UQCRC2: variants seen among roughly 807,000 people sequenced by gnomAD.
The protein encoded by UQCRC2 is ubiquinol-cytochrome c reductase core protein 2.
A neutral mutation model predicts 55.6 loss-of-function variants in UQCRC2; 49 were observed. The ratio of observed to expected loss-of-function variants is 0.88; its 90% CI spans 0.70 to 1.12. The LOEUF (loss-of-function observed/expected upper bound fraction) is 1.12, where lower values mean the gene tolerates loss of function less well. Among genes scored for constraint, UQCRC2 ranks in the 50% most tolerant of loss-of-function variants. The pLI, the probability that UQCRC2 is intolerant of heterozygous loss-of-function variation, is 0.00. For missense variants in UQCRC2, 506 were observed against 547.8 expected, an observed-to-expected ratio of 0.92 and a Z score of 0.76; for synonymous variants, 193 against 192.0, an observed-to-expected ratio of 1.01 and a Z score of -0.04.
intron 4 of UQCRC2, chr16:21,959,677 C>T (rs1195340056): frequency 2.0e-5 from 3 of 152,244 alleles, no homozygotes; most frequent in Admixed American, 1.3e-4. Flanking sequence ...TTTTAATTTA[C>T]TTTGCCCAGA....
intron 9 of UQCRC2, 101 bp from the exon 10 acceptor site, chr16:21,971,822 A>G: frequency 6.5e-7 from 1 of 1,537,752 alleles, no homozygotes; most frequent in Admixed American, 1.7e-5. Flanking sequence ...AGCTGCAGAA[A>G]AGACTCGTGG....
intron 12 of UQCRC2, among the ~76,000 whole-genome samples, chr16:21,979,179 G>A (rs1402905232): frequency 1.3e-5 from 2 of 152,188 alleles, no homozygotes. Context: ...GTGACACCAA[G>A]TACAGGCCTG....
chr16:21,981,544 A>G (rs1173333082), intron 13 of UQCRC2, among the ~76,000 whole-genome samples: 1 of 152,044 alleles, frequency 6.6e-6, no homozygotes, highest in African/African-American at 2.4e-5. Flanking sequence ...GCTTGAGCCC[A>G]GGAGTTCAAT....
In UQCRC2 at chr16:21,967,437, GT is replaced by G. The variant is rs141508381; in HGVS notation, c.613-1179del. Among the ~76,000 whole-genome samples the G allele has an allele frequency of 8.9e-4, 131 of 146,916 alleles. 2 individuals are homozygous for G. The highest frequency in any genetic ancestry group is 2.7e-3 in the African/African-American group (108 of 40,338). On this transcript the variant is annotated intron_variant, in intron 7 of 13. Coordinates refer to ENST00000268379, the MANE Select transcript of UQCRC2 (RefSeq NM_003366.4). ...TGTACTTTTTACATAGAAGTCGTAA[GT>G]TTTTTTTTTTTCTTAGTTACCCCAA...
At chr16:21,970,578 A>G (rs1159721211) in intron 8 of UQCRC2, among the ~76,000 whole-genome samples, 1 of 152,014 alleles carries the variant, frequency 6.6e-6, no homozygotes, top group Non-Finnish European at 1.5e-5. Context: ...CCATTTGTAT[A>G]ACTTTTTTTG....
At chr16:21,961,471 T>G (rs572057239) in intron 4 of UQCRC2, 1 of 238,808 alleles carries the variant, frequency 4.2e-6, no homozygotes, top group East Asian at 1.2e-4. Context: ...TTAAGGTATT[T>G]TAATTTTTTA....
Position 21,962,767 on chromosome 16 carries a change from T to C in UQCRC2, c.396T>C (p.Ile132=). The C allele has an allele frequency of 6.2e-7, 1 of 1,614,132 alleles. No individual in the cohort carries two copies. Among genetic ancestry groups the C allele is most frequent in the East Asian group, 2.2e-5 (1 of 44,886 alleles). ...ATCTCGATGTCTTCTGTAGTGATAT[T>C]CTAATGGAGTTCCTGCTCAATGTCA... is the stretch of plus-strand genomic sequence containing the variant. ...TVECLRGDVD[I]LMEFLLNVTT... Residue 132 remains isoleucine (I), a synonymous_variant, in exon 6 of 14, where the codon ATT becomes ATC. Coordinates refer to ENST00000268379, the MANE Select transcript of UQCRC2 (RefSeq NM_003366.4).
In UQCRC2 at chr16:21,962,879, C is replaced by T; in HGVS notation, c.508C>T (p.Gln170Ter). Residue 170 changes from glutamine (Q) to a stop codon, truncating the protein, a stop_gained, in exon 6 of 14, where the codon CAG becomes TAG. Coordinates refer to ENST00000268379, the MANE Select transcript of UQCRC2 (RefSeq NM_003366.4). LOFTEE classifies it high-confidence loss of function. ...CAAAGCTGTGGCCTTTCAGAATCCG[C>T]AGACTCGTAAGTACATTTCCAGATC... The part of the protein sequence containing the change: ...IDKAVAFQNP[Q>*]THVIENLHAA... The T allele has an allele frequency of 6.2e-7, 1 of 1,613,890 alleles. No individual in the cohort carries two copies. Among genetic ancestry groups the T allele is most frequent in the South Asian group, 1.1e-5 (1 of 91,078 alleles).
chr16:21,976,077 C>A, intron 11 of UQCRC2, 90 bp from the exon 12 acceptor site: 1 of 804,142 alleles, frequency 1.2e-6, no homozygotes, highest in Non-Finnish European at 2.1e-6. Flanking sequence ...AACCTTCCAT[C>A]TGTGTTTTTG....
At chr16:21,958,429 A>C in intron 3 of UQCRC2, 106 bp from the exon 4 acceptor site, 1 of 960,950 alleles carries the variant, frequency 1.0e-6, no homozygotes, top group South Asian at 1.5e-5. Flanking sequence ...GCAGGAATTT[A>C]GTAAAATTCT....
At chr16:21,982,374 G>A (rs1898754098) in intron 13 of UQCRC2, among the ~76,000 whole-genome samples, 1 of 152,174 alleles carries the variant, frequency 6.6e-6, no homozygotes, top group African/African-American at 2.4e-5. Context: ...TTACTTTTAA[G>A]TTAACAATCA....
In UQCRC2 at chr16:21,972,140, G is replaced by T. The variant is rs1195538256; in HGVS notation, c.966+18G>T. ...CATTTGATGTGAGTCTGAACAGTTG[G>T]TATCTCTCTTTTTGCTTTCAAAGGC... On this transcript the variant is annotated intron_variant, in intron 10 of 13. Coordinates refer to ENST00000268379, the MANE Select transcript of UQCRC2 (RefSeq NM_003366.4). 1 of 1,605,858 alleles carries T rather than the reference G, an allele frequency of 6.2e-7. No individual in the cohort carries two copies. The highest frequency in any genetic ancestry group is 8.5e-7 in the Non-Finnish European group (1 of 1,175,798).
intron 4 of UQCRC2, among the ~76,000 whole-genome samples, chr16:21,961,073 C>T (rs1322978987): frequency 6.6e-6 from 1 of 152,138 alleles, no homozygotes; most frequent in East Asian, 1.9e-4. Flanking sequence ...TCAGGTGATC[C>T]TCTCACCTCA....
intron 1 of UQCRC2, among the ~76,000 whole-genome samples, chr16:21,954,053 C>G (rs1193213589): frequency 6.6e-6 from 1 of 152,110 alleles, no homozygotes; most frequent in Non-Finnish European, 1.5e-5. Flanking sequence ...CCCTTCAAGC[C>G]TAAATTAAAC....
chr16:21,965,483 T>G lies in UQCRC2; in HGVS notation c.590T>G (p.Ile197Ser). 6.2e-7 allele frequency: 1 copy of G among 1,607,206 alleles called. No individual in the cohort carries two copies. The highest frequency in any genetic ancestry group is 2.2e-5 in the East Asian group (1 of 44,524). The change falls in exon 7 of 14, where the codon ATT (isoleucine) becomes AGT (serine). Residue 197 changes from isoleucine to serine, a missense_variant. Transcript: ENST00000268379. Reference sequence around the variant, plus strand: ...CCCTTGTATTGTCCTGACTATAGGATTGGAAAAGTGACATCAGAGGAGGTA... The same window carrying G: ...CCCTTGTATTGTCCTGACTATAGGAGTGGAAAAGTGACATCAGAGGAGGTA... The part of the protein sequence containing the change: ...ANPLYCPDYR[I>S]GKVTSEELHY...
intron 6 of UQCRC2, among the ~76,000 whole-genome samples, chr16:21,963,451 C>T (rs545093420): frequency 1.5e-3 from 220 of 150,938 alleles, no homozygotes; most frequent in African/African-American, 4.8e-3. Context: ...GTTTCCTTCC[C>T]AATGTTTTGT....
intron 7 of UQCRC2, among the ~76,000 whole-genome samples, chr16:21,966,827 T>C (rs1396356410): frequency 6.6e-6 from 1 of 152,214 alleles, no homozygotes; most frequent in African/African-American, 2.4e-5. Context: ...AGGATGGCTA[T>C]TGTAATACTA....
At position 21,965,423 on chromosome 16, in the gene UQCRC2, T is replaced by C; in HGVS notation, c.530T>C (p.Leu177Ser). Reference protein sequence around the residue: ...QNPQTHVIENLHAAAYRNALA... With the variant: ...QNPQTHVIENSHAAAYRNALA... Reference sequence around the variant, plus strand: ...TATCTCACAGATGTCATTGAAAATTTGCATGCAGCAGCTTACCGGAATGCC... The same window carrying C: ...TATCTCACAGATGTCATTGAAAATTCGCATGCAGCAGCTTACCGGAATGCC... Residue 177 changes from leucine (L) to serine (S), a missense_variant, in exon 7 of 14, where the codon TTG becomes TCG. By Grantham distance (145) the Leu-to-Ser change is moderately radical (BLOSUM62 -2). Transcript: ENST00000268379. The C allele has an allele frequency of 6.2e-7, 1 of 1,613,964 alleles. No homozygotes were observed. The highest frequency in any genetic ancestry group is 8.5e-7 in the Non-Finnish European group (1 of 1,179,924).
chr16:21,973,577 C>T (rs182137177), intron 10 of UQCRC2, among the ~76,000 whole-genome samples: 1 of 152,114 alleles, frequency 6.6e-6, no homozygotes, highest in Non-Finnish European at 1.5e-5. Context: ...CAAAGCCTAT[C>T]TATATTATAA....
Sources: gnomAD v4.1 joint callset for allele counts (sites outside exome capture counted in the v4.1 genomes callset) on GRCh38, gnomAD v4.1.1 for gene constraint, MANE v1.5 for transcripts, NCBI Gene and HGNC (gene_info 2026-07-23, HGNC 2026-07-21) for gene names.